POU2F3: variants seen among roughly 807,000 people sequenced by gnomAD.
POU2F3 encodes POU domain, class 2, transcription factor 3.
POU2F3 carries 23 observed loss-of-function variants against 59.2 expected under a neutral mutation model. That is an observed-to-expected ratio of 0.39 (90% CI 0.28 to 0.55). The LOEUF (loss-of-function observed/expected upper bound fraction) is 0.55. Among genes scored for constraint, POU2F3 ranks in the 20% least tolerant of loss-of-function variants. The pLI, the probability that POU2F3 is intolerant of heterozygous loss-of-function variation, is 0.66. For missense variants in POU2F3, 473 were observed against 544.5 expected (o/e 0.87, Z 1.31); for synonymous variants, 190 against 214.6 (o/e 0.89, Z 1.00).
intron 10 of POU2F3, 49 bp from the exon 11 acceptor site, chr11:120,315,312 T>C (rs779027321): frequency 6.6e-7 from 1 of 1,522,142 alleles, no homozygotes; most frequent in African/African-American, 1.4e-5. Context: ...GATCTGAAGT[T>C]GGAGAAGGGA....
At chr11:120,256,648 C>T (rs1035602860) in intron 2 of POU2F3, 1 of 152,188 alleles carries the variant, frequency 6.6e-6, no homozygotes, top group African/African-American at 2.4e-5. Flanking sequence ...GTGGGCTCCT[C>T]ATGTTGATCC....
chr11:120,255,197 G>A (rs949888039), intron 2 of POU2F3, among the ~76,000 whole-genome samples: 7 of 152,132 alleles, frequency 4.6e-5, no homozygotes, highest in Non-Finnish European at 2.9e-5. Context: ...GGTTGGCCTT[G>A]CCTGGGTGTG....
At chr11:120,275,219 G>A (rs1457946634) in intron 3 of POU2F3, among the ~76,000 whole-genome samples, 3 of 152,196 alleles carry the variant, frequency 2.0e-5, no homozygotes, top group African/African-American at 4.8e-5. Flanking sequence ...GGACTTGAGT[G>A]AGTGTGGCCT....
intron 3 of POU2F3, among the ~76,000 whole-genome samples, chr11:120,271,617 C>T (rs187981912): frequency 6.6e-6 from 1 of 152,316 alleles, no homozygotes; most frequent in East Asian, 1.9e-4. Flanking sequence ...TCACAGGCCC[C>T]ATGGGCTTGG....
chr11:120,246,255 C>T (rs577895478), intron 1 of POU2F3, among the ~76,000 whole-genome samples, 194 bp from the exon 2 acceptor site: 62 of 152,080 alleles, frequency 4.1e-4, no homozygotes, highest in Non-Finnish European at 6.8e-4. Context: ...GGAGAGGAGG[C>T]GAGCATGGGA....
At chr11:120,264,644 C>T (rs908022825) in intron 2 of POU2F3, among the ~76,000 whole-genome samples, 1 of 152,190 alleles carries the variant, frequency 6.6e-6, no homozygotes, top group Non-Finnish European at 1.5e-5. Context: ...GCTTATCTCA[C>T]TCAATTCTCA....
chr11:120,302,635 A>C, intron 6 of POU2F3: 1 of 443,342 alleles, frequency 2.3e-6, no homozygotes, highest in South Asian at 3.2e-5. Flanking sequence ...CTGAACTCCA[A>C]CCCTGCACAG....
chr11:120,307,193 C>G (rs970374798), intron 8 of POU2F3, among the ~76,000 whole-genome samples: 1 of 152,236 alleles, frequency 6.6e-6, no homozygotes, highest in African/African-American at 2.4e-5. Context: ...GCTGTGACCC[C>G]AAACACTGGA....
intron 10 of POU2F3, among the ~76,000 whole-genome samples, chr11:120,313,774 G>A (rs1251843622): frequency 6.6e-6 from 1 of 152,174 alleles, no homozygotes; most frequent in Non-Finnish European, 1.5e-5. Context: ...AGCAATTTGG[G>A]AGGCCAAGAT....
chr11:120,300,491 C>T (rs183146144), intron 5 of POU2F3, among the ~76,000 whole-genome samples: 4 of 152,182 alleles, frequency 2.6e-5, no homozygotes, highest in Admixed American at 6.5e-5. Context: ...TGGCCAGGCT[C>T]GGTGGCTCAC....
intron 2 of POU2F3, among the ~76,000 whole-genome samples, chr11:120,249,161 G>A (rs1938995460): frequency 6.6e-6 from 1 of 152,104 alleles, no homozygotes; most frequent in Non-Finnish European, 1.5e-5. Flanking sequence ...CCTTTCTTTG[G>A]CCTGTGAGGA....
rs1445416149 is a variant in POU2F3, at chr11:120,267,396, G to A, written c.98-1814G>A. Among the ~76,000 whole-genome samples the A allele has an allele frequency of 3.3e-5, 5 of 152,230 alleles. No individual in the cohort carries two copies. The South Asian group carries it at 8.3e-4, about 25-fold the overall frequency. On this transcript the variant is annotated intron_variant, in intron 2 of 12. Coordinates refer to ENST00000543440, the MANE Select transcript of POU2F3 (RefSeq NM_014352.4). ...GACCCACCTGGGATTACAGGCTTGA[G>A]CCACTGCACCCAGCTCCCCTAGCAG... is the stretch of plus-strand genomic sequence containing the variant.
chr11:120,297,210 G>T (rs1054327348), intron 3 of POU2F3, among the ~76,000 whole-genome samples: 2 of 152,186 alleles, frequency 1.3e-5, no homozygotes, highest in African/African-American at 4.8e-5. Context: ...CCTCCCAAGG[G>T]ACTTCCTGAA....
upstream of POU2F3, among the ~76,000 whole-genome samples, chr11:120,239,685 T>C (rs1938585316): frequency 6.6e-6 from 1 of 152,104 alleles, no homozygotes; most frequent in Non-Finnish European, 1.5e-5. Context: ...GTTTTACAGG[T>C]GAGTTAAATG....
At chr11:120,306,693 A>G (rs988914991) in intron 8 of POU2F3, among the ~76,000 whole-genome samples, 1 of 152,116 alleles carries the variant, frequency 6.6e-6, no homozygotes, top group South Asian at 2.1e-4. Flanking sequence ...CAGTCGATTC[A>G]TATGGATTCG....
Position 120,248,682 on chromosome 11 carries a change from T to C in POU2F3, c.97+2165T>C, listed in dbSNP as rs569261502. 1.6e-4 allele frequency among the ~76,000 whole-genome samples: 25 copies of C among 152,294 alleles called. 1 individual carries two copies. The South Asian group carries it at 5.2e-3, about 32-fold the overall frequency. ...ACCAGGAGATCTTTCACTTCAGGGCTCCCGGCTGGTAGCATCAATACTTAG... is the reference window on the plus strand; with the variant it reads ...ACCAGGAGATCTTTCACTTCAGGGCCCCCGGCTGGTAGCATCAATACTTAG... On this transcript the variant is annotated intron_variant, in intron 2 of 12. Transcript: ENST00000543440.
intron 2 of POU2F3, among the ~76,000 whole-genome samples, chr11:120,247,096 C>CA (rs1388625005): frequency 3.3e-5 from 5 of 151,688 alleles, no homozygotes; most frequent in Non-Finnish European, 5.9e-5. Flanking sequence ...TGGACCGTCC[C>CA]AAAAAAAGCT....
intron 4 of POU2F3, among the ~76,000 whole-genome samples, chr11:120,298,674 G>A (rs1941259513): frequency 6.6e-6 from 1 of 152,320 alleles, no homozygotes; most frequent in Admixed American, 6.5e-5. Context: ...ACATTCAGGG[G>A]AATCCTAGGT....
In POU2F3 at chr11:120,241,115, C is replaced by T. The variant is rs185953921; in HGVS notation, c.28+744C>T. Among the ~76,000 whole-genome samples, 99 of 152,338 alleles carry T rather than the reference C, an allele frequency of 6.5e-4. 2 individuals carry two copies. The East Asian group carries it at 0.016, about 25-fold the overall frequency. On this transcript the variant is annotated intron_variant, in intron 1 of 12. Transcript: ENST00000543440. Reference sequence around the variant, plus strand: ...CTGGGCTAAGGCAGGAGCTGCCAGGCAGCCAGGTTGGGCTTGGCTTGGGGC... The same window carrying T: ...CTGGGCTAAGGCAGGAGCTGCCAGGTAGCCAGGTTGGGCTTGGCTTGGGGC...
Sources: gnomAD v4.1 joint callset for allele counts (sites outside exome capture counted in the v4.1 genomes callset) on GRCh38, gnomAD v4.1.1 for gene constraint, MANE v1.5 for transcripts, NCBI Gene and HGNC (gene_info 2026-07-23, HGNC 2026-07-21) for gene names.